The following KANSL1L variants were observed in gnomAD, a reference collection of about 807,000 sequenced individuals.
KANSL1L encodes KAT8 regulatory NSL complex subunit 1-like protein.
In KANSL1L, 25 loss-of-function variants were observed where a neutral mutation model predicts 108.6. The ratio of observed to expected loss-of-function variants is 0.23; its 90% CI spans 0.17 to 0.32. The LOEUF (loss-of-function observed/expected upper bound fraction) is 0.32. Ranked by LOEUF, KANSL1L falls within the 10% of genes least tolerant of loss-of-function variation. The probability of loss-of-function intolerance (pLI) is 1.00; values close to 1 mark genes in which losing one functional copy is unlikely to be tolerated. For synonymous variants in KANSL1L, 405 were observed against 395.1 expected (o/e 1.03, Z -0.30); for missense variants, 1,137 against 1,125.7 (o/e 1.01, Z -0.14).
Position 210,104,283 on chromosome 2 carries a change from C to T in KANSL1L, c.1249G>A (p.Glu417Lys). ...AAAATATCTTTTGGAAGCTGACATT[C>T]TTCTAGGACCACTATCCCCTAGACA... is the stretch of plus-strand genomic sequence containing the variant. Reference protein sequence around the residue: ...RASKGIVVLEECQLPKDILKK... With the variant: ...RASKGIVVLEKCQLPKDILKK... Residue 417 changes from glutamate to lysine, a missense_variant, in exon 4 of 15, where the codon GAA (glutamate) becomes AAA (lysine). Transcript: ENST00000281772. The T allele has an allele frequency of 1.9e-6, 3 of 1,613,412 alleles. No homozygotes were observed. The highest frequency in any genetic ancestry group is 2.5e-6 in the Non-Finnish European group (3 of 1,179,600).
intron 6 of KANSL1L, among the ~76,000 whole-genome samples, chr2:210,066,452 A>G (rs1324635858): frequency 6.6e-6 from 1 of 152,260 alleles, no homozygotes; most frequent in Admixed American, 6.5e-5. Flanking sequence ...AATGTGCAGC[A>G]TGGGGCACAT....
intron 5 of KANSL1L, chr2:210,088,306 G>T: frequency 6.6e-6 from 1 of 152,448 alleles, no homozygotes; most frequent in South Asian, 2.1e-4. Flanking sequence ...GTGGCAAGGT[G>T]AAAAGGGGTA....
chr2:210,152,048 T>C (rs1245075804), intron 2 of KANSL1L: 1 of 152,080 alleles, frequency 6.6e-6, no homozygotes, highest in Non-Finnish European at 1.5e-5. Flanking sequence ...GTCATGCAGG[T>C]TTGTTATACA....
intron 5 of KANSL1L, among the ~76,000 whole-genome samples, chr2:210,091,786 T>A (rs2094695154): frequency 6.6e-6 from 1 of 152,190 alleles, no homozygotes; most frequent in Non-Finnish European, 1.5e-5. Context: ...TCTTGAACCC[T>A]TCTTCATCCC....
At chr2:210,141,811 T>C (rs975060839) in intron 2 of KANSL1L, among the ~76,000 whole-genome samples, 1 of 152,154 alleles carries the variant, frequency 6.6e-6, no homozygotes, top group Admixed American at 6.5e-5. Flanking sequence ...GTATTAAGAA[T>C]GTTTTTTGTC....
At chr2:210,157,691 G>GAAAAAAAAAAAAAAAAAAAAAAAAA (rs56676129) in intron 1 of KANSL1L, among the ~76,000 whole-genome samples, 1 of 47,168 alleles carries the variant, frequency 2.1e-5, no homozygotes, top group Non-Finnish European at 4.7e-5. Context: ...CACTGTCACA[G>GAAAAAAAAAAAAAAAAAAAAAAAAA]AAAAAAAAAA....
At chr2:210,166,574 T>C (rs1353571764) in intron 1 of KANSL1L, among the ~76,000 whole-genome samples, 3 of 152,148 alleles carry the variant, frequency 2.0e-5, no homozygotes, top group Non-Finnish European at 4.4e-5. Flanking sequence ...ATTTATATTC[T>C]AGAATGCATA....
At chr2:210,056,850 C>T (rs1380558245) in intron 6 of KANSL1L, among the ~76,000 whole-genome samples, 1 of 152,070 alleles carries the variant, frequency 6.6e-6, no homozygotes, top group Non-Finnish European at 1.5e-5. Flanking sequence ...CCTTTTTCTT[C>T]TTTTCTTCAT....
chr2:210,118,484 A>C (rs1032505670), intron 3 of KANSL1L, among the ~76,000 whole-genome samples: 1 of 151,680 alleles, frequency 6.6e-6, no homozygotes, highest in African/African-American at 2.4e-5. Context: ...AAAAAAAAAA[A>C]AAAAAACAGA....
intron 6 of KANSL1L, among the ~76,000 whole-genome samples, chr2:210,054,447 T>A (rs2094327822): frequency 6.6e-6 from 1 of 152,170 alleles, no homozygotes; most frequent in Non-Finnish European, 1.5e-5. Flanking sequence ...GGCAGCCTCA[T>A]GCATTGCTGG....
At position 210,052,325 on chromosome 2, in the gene KANSL1L, CT is replaced by C. The variant is rs760173513; in HGVS notation, c.1756-8222del. 4.0e-5 allele frequency among the ~76,000 whole-genome samples: 6 copies of C among 151,378 alleles called. No homozygotes were observed. The East Asian group carries it at 7.7e-4, about 19-fold the overall frequency. On this transcript the variant is annotated intron_variant, in intron 6 of 14. Coordinates refer to ENST00000281772, the MANE Select transcript of KANSL1L (RefSeq NM_152519.4). ...GCCTTATTTTAAATTTCTAAAGGCACTTTTTTTTTGTTTGTTTGTTTCATGA... is the reference window on the plus strand; with the variant it reads ...GCCTTATTTTAAATTTCTAAAGGCACTTTTTTTTGTTTGTTTGTTTCATGA...
Position 210,142,458 on chromosome 2 carries a change from A to T in KANSL1L, c.1088+11037T>A, listed in dbSNP as rs563433476. Among the ~76,000 whole-genome samples, 12 of 151,842 alleles carry T rather than the reference A, an allele frequency of 7.9e-5. No homozygotes were observed. The South Asian group carries it at 2.1e-3, about 26-fold the overall frequency. On this transcript the variant is annotated intron_variant, in intron 2 of 14. Coordinates refer to ENST00000281772, the MANE Select transcript of KANSL1L (RefSeq NM_152519.4). Reference sequence around the variant, plus strand: ...AAAAAAACCAACTCTTGGTTTCATCAATCTTTTCTATTGTTTTTCTAATAT... The same window carrying T: ...AAAAAAACCAACTCTTGGTTTCATCTATCTTTTCTATTGTTTTTCTAATAT...
At chr2:210,056,959 A>G (rs1026537765) in intron 6 of KANSL1L, among the ~76,000 whole-genome samples, 1 of 152,160 alleles carries the variant, frequency 6.6e-6, no homozygotes, top group African/African-American at 2.4e-5. Flanking sequence ...AAATTTCTTC[A>G]ATCCCTGTGT....
In KANSL1L at chr2:210,022,070, G is replaced by A. The variant is rs142794820; in HGVS notation, c.*879C>T. The A allele has an allele frequency of 2.2e-4, 33 of 146,708 alleles. 1 individual carries two copies. The East Asian group carries it at 6.6e-3, about 29-fold the overall frequency. 9.1% of individuals were successfully genotyped at this position (146,708 alleles called of 1,614,324 possible). On this transcript the variant is annotated 3_prime_UTR_variant, in exon 15 of 15. Coordinates refer to ENST00000281772, the MANE Select transcript of KANSL1L (RefSeq NM_152519.4). ...GTTTGTGGCTCATTTTAAAACTGGT[G>A]TCTTCTCTTCATGAGACACATTAAT...
chr2:210,137,912 T>A lies in KANSL1L; in HGVS notation c.1089-8740A>T, dbSNP rs573326495. Among the ~76,000 whole-genome samples, 7 of 152,146 alleles carry A rather than the reference T, an allele frequency of 4.6e-5. No individual in the cohort carries two copies. In the South Asian group the frequency reaches 1.5e-3, roughly 32 times the overall value. ...CAGGCATGGTGGTGCATACCTGTAG[T>A]CCCAGATACTTGGGAGGCTGAGTTA... On this transcript the variant is annotated intron_variant, in intron 2 of 14. Coordinates refer to ENST00000281772, the MANE Select transcript of KANSL1L (RefSeq NM_152519.4).
At chr2:210,082,449 A>G (rs1439265637) in intron 5 of KANSL1L, among the ~76,000 whole-genome samples, 1 of 152,232 alleles carries the variant, frequency 6.6e-6, no homozygotes, top group Non-Finnish European at 1.5e-5. Context: ...CCATATCCTT[A>G]AGATATCCTC....
At chr2:210,159,401 C>T (rs1483909595) in intron 1 of KANSL1L, among the ~76,000 whole-genome samples, 2 of 152,172 alleles carry the variant, frequency 1.3e-5, no homozygotes, top group African/African-American at 4.8e-5. Context: ...TAGCTTCAGC[C>T]TCTTGGTTCA....
intron 3 of KANSL1L, among the ~76,000 whole-genome samples, chr2:210,125,289 C>T (rs116710396): frequency 8.1e-4 from 123 of 151,982 alleles, no homozygotes; most frequent in Non-Finnish European, 1.4e-3. Flanking sequence ...TTTGAATAGG[C>T]CTATATAACT....
intron 1 of KANSL1L, among the ~76,000 whole-genome samples, chr2:210,160,146 G>A (rs952966970): frequency 3.9e-5 from 6 of 152,220 alleles, no homozygotes; most frequent in African/African-American, 1.4e-4. Flanking sequence ...ATCCATTCAT[G>A]AGAAAAACTC....
Sources: allele counts gnomAD v4.1 joint callset (sites outside exome capture counted in the v4.1 genomes callset), GRCh38; gene constraint gnomAD v4.1.1; transcripts MANE v1.5; gene names NCBI Gene and HGNC (gene_info 2026-07-23, HGNC 2026-07-21).